Variants in RGS6 observed in about 807,000 individuals in gnomAD.
RGS6 encodes the protein regulator of G-protein signaling 6.
RGS6 carries 30 observed loss-of-function variants against 78.5 expected under a neutral mutation model. The observed-to-expected ratio is 0.38, with a 90% CI of 0.29 to 0.52. RGS6 has a LOEUF of 0.52. Ranked by LOEUF, RGS6 falls within the 20% of genes least tolerant of loss-of-function variation. The pLI is 0.85. For synonymous variants in RGS6, 206 were observed against 206.0 expected, an observed-to-expected ratio of 1.00 and a Z score of 0.00; for missense variants, 495 against 609.7, an observed-to-expected ratio of 0.81 and a Z score of 1.98.
chr14:72,097,233 A>C (rs764071587), intron 2 of RGS6, among the ~76,000 whole-genome samples: 1 of 152,228 alleles, frequency 6.6e-6, no homozygotes, highest in Admixed American at 6.5e-5. Context: ...AATCAAAACC[A>C]ACACTGAGCT....
chr14:72,402,781 G>GT (rs1169823281), intron 3 of RGS6, among the ~76,000 whole-genome samples: 5 of 110,102 alleles, frequency 4.5e-5, no homozygotes, highest in African/African-American at 6.9e-5. Flanking sequence ...TATATTTTTT[G>GT]TTTTTTTGGT....
At chr14:72,489,792 A>T (rs2096553972) in intron 12 of RGS6, among the ~76,000 whole-genome samples, 1 of 152,176 alleles carries the variant, frequency 6.6e-6, no homozygotes, top group East Asian at 1.9e-4. Context: ...CGGAGGGAGG[A>T]TGGCCCTGCC....
chr14:71,892,832 T>C, the RGS6 span, among the ~76,000 whole-genome samples: 1 of 152,238 alleles, frequency 6.6e-6, no homozygotes, highest in South Asian at 2.1e-4. Context: ...TACAATGGCA[T>C]TTTACGGCTT....
At chr14:71,902,398 C>A in the RGS6 span, among the ~76,000 whole-genome samples, 1 of 152,000 alleles carries the variant, frequency 6.6e-6, no homozygotes, top group Non-Finnish European at 1.5e-5. Context: ...CTTTTTTGAG[C>A]CTCGGGTACC....
At chr14:72,265,566 AC>A (rs1267787566) in intron 2 of RGS6, among the ~76,000 whole-genome samples, 31 of 151,592 alleles carry the variant, frequency 2.0e-4, no homozygotes, top group African/African-American at 6.8e-4. Context: ...GCTTGCAACC[AC>A]CCCCTTCCCA....
At chr14:72,495,331 C>T (rs1766242020) in intron 13 of RGS6, 69 bp downstream of exon 13, 4 of 981,456 alleles carry the variant, frequency 4.1e-6, no homozygotes, top group South Asian at 1.3e-5. Context: ...ATGAGATTAC[C>T]TTATATTCTA....
chr14:72,598,117 C>A, the RGS6 span, among the ~76,000 whole-genome samples: 10,159 of 152,274 alleles, frequency 0.067, 395 homozygotes, highest in Middle Eastern at 0.11. Flanking sequence ...CTTCTTTTGC[C>A]CCTCAGGGGC....
At chr14:72,233,810 G>A (rs2050282044) in intron 2 of RGS6, among the ~76,000 whole-genome samples, 1 of 152,206 alleles carries the variant, frequency 6.6e-6, no homozygotes, top group Non-Finnish European at 1.5e-5. Context: ...CAGTGGCATG[G>A]ACCTCTCTGC....
Position 72,540,066 on chromosome 14 carries a change from C to A in RGS6, c.1394C>A (p.Thr465Asn), listed in dbSNP as rs1337822142. 6.3e-7 allele frequency: 1 copy of A among 1,587,248 alleles called. No individual in the cohort carries two copies. Among genetic ancestry groups the A allele is most frequent in the Non-Finnish European group, 8.5e-7 (1 of 1,176,500 alleles). Residue 465 changes from threonine to asparagine, a missense_variant, in exon 17 of 18, where the codon ACT becomes AAT. By Grantham distance (65) the Thr-to-Asn change is moderately conservative. Transcript: ENST00000553525. The part of the protein sequence containing the change: ...KKPESEQGRR[T>N]SLEKFTRSVG... Reference sequence around the variant, plus strand: ...CCAGAAAGTGAGCAAGGTCGTAGAACTTCCCTAGAAAAGTTCACTCGCAGT... The same window carrying A: ...CCAGAAAGTGAGCAAGGTCGTAGAAATTCCCTAGAAAAGTTCACTCGCAGT...
downstream of RGS6, among the ~76,000 whole-genome samples, chr14:72,569,666 C>T (rs1013648631): frequency 1.1e-4 from 15 of 132,802 alleles, no homozygotes; most frequent in African/African-American, 4.2e-4. Flanking sequence ...CAGAGTGAGA[C>T]TTGTCAAGGA....
chr14:72,324,633 G>A (rs796502633), intron 2 of RGS6, among the ~76,000 whole-genome samples: 3 of 152,144 alleles, frequency 2.0e-5, no homozygotes, highest in African/African-American at 7.2e-5. Context: ...GCGATAGTTT[G>A]CTGAGAATGA....
the RGS6 span, among the ~76,000 whole-genome samples, chr14:72,625,155 A>C: frequency 8.0e-4 from 122 of 152,300 alleles, no homozygotes; most frequent in African/African-American, 2.7e-3. Flanking sequence ...ATCAATTGAC[A>C]GTTCGTCCTT....
At chr14:72,243,250 T>C (rs995227250) in intron 2 of RGS6, among the ~76,000 whole-genome samples, 1 of 152,234 alleles carries the variant, frequency 6.6e-6, no homozygotes, top group Non-Finnish European at 1.5e-5. Context: ...AAATTGAAAA[T>C]TAGATTAATT....
At chr14:72,495,891 C>A (rs1478570804) in intron 13 of RGS6, among the ~76,000 whole-genome samples, 1 of 152,138 alleles carries the variant, frequency 6.6e-6, no homozygotes, top group East Asian at 1.9e-4. Context: ...AGGGGAGGAA[C>A]CAAAGCCCAG....
At chr14:71,913,518 G>A in the RGS6 span, among the ~76,000 whole-genome samples, 1 of 152,356 alleles carries the variant, frequency 6.6e-6, no homozygotes, top group East Asian at 1.9e-4. Context: ...ATGTCCAGTA[G>A]TCATTCGCCT....
At chr14:72,544,874 G>C (rs2097371294) in intron 17 of RGS6, among the ~76,000 whole-genome samples, 1 of 152,204 alleles carries the variant, frequency 6.6e-6, no homozygotes, top group Admixed American at 6.5e-5. Context: ...CCAGCTCCAG[G>C]CCCAGGTGCT....
chr14:72,405,848 G>T (rs1002810348), intron 3 of RGS6, among the ~76,000 whole-genome samples: 8 of 152,182 alleles, frequency 5.3e-5, no homozygotes, highest in Admixed American at 2.6e-4. Flanking sequence ...TCAGCTTTCA[G>T]TTTCAATGGT....
At chr14:72,093,307 T>C (rs1038481568) in intron 2 of RGS6, among the ~76,000 whole-genome samples, 6 of 152,172 alleles carry the variant, frequency 3.9e-5, no homozygotes, top group Non-Finnish European at 8.8e-5. Flanking sequence ...AGTGGTGTGA[T>C]CATGGCTCAC....
chr14:72,419,505 T>A (rs2153097367), intron 3 of RGS6, among the ~76,000 whole-genome samples: 1 of 152,344 alleles, frequency 6.6e-6, no homozygotes, highest in South Asian at 2.1e-4. Flanking sequence ...AACCAAATCC[T>A]ATCGGCTGAA....
Sources: allele counts gnomAD v4.1 joint callset (sites outside exome capture counted in the v4.1 genomes callset), GRCh38; gene constraint gnomAD v4.1.1; transcripts MANE v1.5; gene names NCBI Gene and HGNC (gene_info 2026-07-23, HGNC 2026-07-21).